NKAIN2: variants seen among roughly 807,000 people sequenced by gnomAD.
The protein encoded by NKAIN2 is sodium/potassium-transporting ATPase subunit beta-1-interacting protein 2.
In NKAIN2, 14 loss-of-function variants were observed where a neutral mutation model predicts 32.6. That is an observed-to-expected ratio of 0.43 (90% CI 0.28 to 0.67). The LOEUF (loss-of-function observed/expected upper bound fraction) is 0.67. NKAIN2 is among the 30% of genes least tolerant of loss of function. NKAIN2 has a pLI of 0.17. For missense variants in NKAIN2, 198 were observed against 258.3 expected, an observed-to-expected ratio of 0.77 and a Z score of 1.60; for synonymous variants, 80 against 87.2, an observed-to-expected ratio of 0.92 and a Z score of 0.46.
chr6:124,605,842 C>T (rs1370553017), intron 3 of NKAIN2, among the ~76,000 whole-genome samples: 1 of 151,924 alleles, frequency 6.6e-6, no homozygotes, highest in Non-Finnish European at 1.5e-5. Context: ...AATGTTTGTA[C>T]TGTATCTGTC....
chr6:124,631,354 A>C (rs1783557748), intron 3 of NKAIN2, among the ~76,000 whole-genome samples: 1 of 152,132 alleles, frequency 6.6e-6, no homozygotes, highest in African/African-American at 2.4e-5. Context: ...TTTTTCTGTT[A>C]TTTTGTGTGA....
intron 1 of NKAIN2, among the ~76,000 whole-genome samples, chr6:124,224,958 G>C (rs1792030079): frequency 6.6e-6 from 1 of 152,000 alleles, no homozygotes; most frequent in Admixed American, 6.6e-5. Context: ...AAGTATTACA[G>C]TCAAGTACTA....
chr6:124,644,888 T>C (rs905739968), intron 3 of NKAIN2, among the ~76,000 whole-genome samples: 6 of 152,222 alleles, frequency 3.9e-5, no homozygotes, highest in Non-Finnish European at 4.4e-5. Context: ...ACCCTTATGT[T>C]GTCTGTTTTA....
At chr6:124,508,285 C>CA (rs565571688) in intron 3 of NKAIN2, among the ~76,000 whole-genome samples, 1 of 151,634 alleles carries the variant, frequency 6.6e-6, no homozygotes, top group Admixed American at 6.6e-5. Flanking sequence ...AAACAAAAAA[C>CA]AAAAAACCCA....
At chr6:124,818,590 A>G (rs1781270577) in intron 6 of NKAIN2, 122 bp downstream of exon 6, 1 of 469,090 alleles carries the variant, frequency 2.1e-6, no homozygotes, top group Non-Finnish European at 3.9e-6. Context: ...TATTTTTTCT[A>G]TTAATATTGT....
Position 123,804,272 on chromosome 6 carries a change from C to A in NKAIN2, c.54+18C>A, listed in dbSNP as rs773451780. ...TGCAACTGGTAAGTGACACTTGGGT[C>A]CCCTTATTCTGTAATGTGTCTTTGA... is the stretch of plus-strand genomic sequence containing the variant. On this transcript the variant is annotated intron_variant, in intron 1 of 6. Coordinates refer to ENST00000368417, the MANE Select transcript of NKAIN2 (RefSeq NM_001040214.3). 2.5e-6 allele frequency: 4 copies of A among 1,605,754 alleles called. No individual in the cohort carries two copies. The highest frequency in any genetic ancestry group is 3.4e-6 in the Non-Finnish European group (4 of 1,172,482).
At chr6:124,691,159 G>C (rs951189347) in intron 4 of NKAIN2, among the ~76,000 whole-genome samples, 2 of 152,092 alleles carry the variant, frequency 1.3e-5, no homozygotes, top group Admixed American at 6.6e-5. Flanking sequence ...CATTACACTT[G>C]TTTTTACCTC....
intron 1 of NKAIN2, among the ~76,000 whole-genome samples, chr6:123,872,480 C>T (rs1337019886): frequency 1.3e-5 from 2 of 152,184 alleles, no homozygotes; most frequent in African/African-American, 4.8e-5. Context: ...GCTTGAGGTA[C>T]CTCTCTATGG....
chr6:124,651,983 G>C (rs1375420633), intron 3 of NKAIN2, among the ~76,000 whole-genome samples: 2 of 152,090 alleles, frequency 1.3e-5, no homozygotes, highest in Non-Finnish European at 2.9e-5. Context: ...ATCCCTAAGT[G>C]TGTTTCCCTT....
chr6:124,182,060 A>T (rs1033365714), intron 1 of NKAIN2, among the ~76,000 whole-genome samples: 3 of 152,220 alleles, frequency 2.0e-5, no homozygotes, highest in African/African-American at 7.2e-5. Context: ...CTCACAGGCT[A>T]GGGAGACCTC....
chr6:124,554,706 CT>C (rs1242358621), intron 3 of NKAIN2, among the ~76,000 whole-genome samples: 2 of 152,182 alleles, frequency 1.3e-5, no homozygotes, highest in African/African-American at 4.8e-5. Flanking sequence ...GGTTAAAAAG[CT>C]TTGGATTTGG....
At chr6:124,602,164 A>C (rs1446880703) in intron 3 of NKAIN2, among the ~76,000 whole-genome samples, 3 of 152,010 alleles carry the variant, frequency 2.0e-5, no homozygotes, top group African/African-American at 7.2e-5. Flanking sequence ...AATGAAGGGA[A>C]TATAGTGGCC....
intron 1 of NKAIN2, among the ~76,000 whole-genome samples, chr6:124,229,941 A>G (rs1792359958): frequency 6.6e-6 from 1 of 152,180 alleles, no homozygotes. Flanking sequence ...GCATTGCTGA[A>G]AAGATATCCA....
At chr6:124,054,680 A>C (rs1782569010) in intron 1 of NKAIN2, among the ~76,000 whole-genome samples, 1 of 152,004 alleles carries the variant, frequency 6.6e-6, no homozygotes, top group Admixed American at 6.6e-5. Context: ...AGAGATCAGC[A>C]AAGGAAGGAG....
At chr6:123,817,035 G>C (rs1773722181) in intron 1 of NKAIN2, among the ~76,000 whole-genome samples, 1 of 152,168 alleles carries the variant, frequency 6.6e-6, no homozygotes, top group Non-Finnish European at 1.5e-5. Flanking sequence ...ACTGGTGAGA[G>C]TTTGGGGAGA....
rs551968670 is a variant in NKAIN2 at position 124,421,859 on chromosome 6, C to G, written c.273+66512C>G. ...TTCTTTCTCGCGGGAAACGTATGTC[C>G]GGCGTGATTTTAGGAAGAAAGGGAG... On this transcript the variant is annotated intron_variant, in intron 3 of 6. Transcript: ENST00000368417. 9.9e-5 allele frequency among the ~76,000 whole-genome samples: 15 copies of G among 152,216 alleles called. No individual in the cohort carries two copies. In the South Asian group the frequency reaches 2.3e-3, roughly 23 times the overall value.
chr6:123,807,402 G>T (rs1007676277), intron 1 of NKAIN2, among the ~76,000 whole-genome samples: 1 of 151,976 alleles, frequency 6.6e-6, no homozygotes, highest in African/African-American at 2.4e-5. Flanking sequence ...TCTCAAGAAG[G>T]TAATTTTCTT....
intron 1 of NKAIN2, among the ~76,000 whole-genome samples, chr6:124,020,537 A>G (rs1780815525): frequency 6.6e-6 from 1 of 152,154 alleles, no homozygotes; most frequent in African/African-American, 2.4e-5. Context: ...AGAGGTTGTT[A>G]CTGCAACCAA....
chr6:124,816,430 G>A (rs72979757), intron 5 of NKAIN2, among the ~76,000 whole-genome samples: 1 of 152,066 alleles, frequency 6.6e-6, no homozygotes, highest in African/African-American at 2.4e-5. Context: ...ATGGACTTTG[G>A]ATGATGATGA....
Sources: allele counts gnomAD v4.1 joint callset (sites outside exome capture counted in the v4.1 genomes callset), GRCh38; gene constraint gnomAD v4.1.1; transcripts MANE v1.5; gene names NCBI Gene and HGNC (gene_info 2026-07-23, HGNC 2026-07-21).